ZBTB20: variants seen among roughly 807,000 people sequenced by gnomAD.
The protein encoded by ZBTB20 is zinc finger and BTB domain-containing protein 20.
In ZBTB20, 9 loss-of-function variants were observed where a neutral mutation model predicts 56.9. The ratio of observed to expected loss-of-function variants is 0.16; its 90% CI spans 0.10 to 0.28. The LOEUF (loss-of-function observed/expected upper bound fraction) is 0.28, where lower values mean the gene tolerates loss of function less well. Among genes scored for constraint, ZBTB20 ranks in the 10% least tolerant of loss-of-function variants. ZBTB20 has a pLI of 1.00. For synonymous variants in ZBTB20, 417 were observed against 420.7 expected, an observed-to-expected ratio of 0.99 and a Z score of 0.11; for missense variants, 655 against 1,003.0, an observed-to-expected ratio of 0.65 and a Z score of 4.69.
At chr3:114,377,257 AG>A (rs1237902710) in intron 10 of ZBTB20, among the ~76,000 whole-genome samples, 3 of 152,156 alleles carry the variant, frequency 2.0e-5, no homozygotes, top group Admixed American at 1.3e-4. Context: ...GTGGTAAGCT[AG>A]GGGGTAATGG....
chr3:114,756,322 A>G (rs2068009573), intron 5 of ZBTB20, among the ~76,000 whole-genome samples: 1 of 152,164 alleles, frequency 6.6e-6, no homozygotes, highest in Admixed American at 6.5e-5. Context: ...AGGGAGATAT[A>G]AAATTAAAAT....
Position 114,621,347 on chromosome 3 carries a change from G to T in ZBTB20, c.-295+72181C>A, listed in dbSNP as rs148816314. On this transcript the variant is annotated intron_variant, in intron 6 of 11. Coordinates refer to ENST00000675478, the MANE Select transcript of ZBTB20 (RefSeq NM_001348800.3). ...TATGGTCATTATGACCAAAACATTT[G>T]ACTGAAATCAAAGGCAAGTAAGCCT... Among the ~76,000 whole-genome samples the T allele has an allele frequency of 1.8e-4, 28 of 152,172 alleles. 1 individual carries two copies. Among genetic ancestry groups the T allele is most frequent in the African/African-American group, 5.8e-4 (24 of 41,526 alleles).
chr3:115,076,327 C>T (rs1005508908), intron 1 of ZBTB20, among the ~76,000 whole-genome samples: 1 of 151,930 alleles, frequency 6.6e-6, no homozygotes, highest in Non-Finnish European at 1.5e-5. Flanking sequence ...CAAAAATAAT[C>T]AAAACAATAT....
intron 8 of ZBTB20, among the ~76,000 whole-genome samples, chr3:114,385,398 T>C (rs1226269043): frequency 6.6e-6 from 1 of 152,194 alleles, no homozygotes; most frequent in Non-Finnish European, 1.5e-5. Context: ...GAGCCTCATT[T>C]TCCTCATCTG....
intron 4 of ZBTB20, among the ~76,000 whole-genome samples, chr3:114,891,380 C>T (rs986371851): frequency 1.3e-5 from 2 of 152,180 alleles, no homozygotes; most frequent in Non-Finnish European, 2.9e-5. Flanking sequence ...TTTTAAAAAA[C>T]CTGTATCATG....
At chr3:114,827,306 G>T (rs1008014839) in intron 4 of ZBTB20, among the ~76,000 whole-genome samples, 1 of 151,582 alleles carries the variant, frequency 6.6e-6, no homozygotes, top group Non-Finnish European at 1.5e-5. Flanking sequence ...CTCGAATATT[G>T]CAAGTATTAA....
At chr3:115,086,103 G>C (rs1026685726) in intron 1 of ZBTB20, among the ~76,000 whole-genome samples, 2 of 151,818 alleles carry the variant, frequency 1.3e-5, no homozygotes, top group Non-Finnish European at 2.9e-5. Flanking sequence ...TTTATTTGCA[G>C]TATGATGAAA....
At chr3:114,821,007 G>A (rs1363339604) in intron 4 of ZBTB20, among the ~76,000 whole-genome samples, 1 of 152,142 alleles carries the variant, frequency 6.6e-6, no homozygotes, top group Non-Finnish European at 1.5e-5. Context: ...CCAAGTAACT[G>A]TAACCAGCAT....
chr3:114,655,514 A>G (rs1235808191), intron 6 of ZBTB20, among the ~76,000 whole-genome samples: 1 of 150,090 alleles, frequency 6.7e-6, no homozygotes, highest in Non-Finnish European at 1.5e-5. Flanking sequence ...GGCCTCCCAA[A>G]GTGCTGGGAT....
At chr3:115,058,781 C>A (rs1433103840) in intron 2 of ZBTB20, among the ~76,000 whole-genome samples, 1 of 152,140 alleles carries the variant, frequency 6.6e-6, no homozygotes, top group Non-Finnish European at 1.5e-5. Flanking sequence ...CCTTCCCCAC[C>A]TCCTTTTTAG....
At chr3:115,036,879 G>A (rs1482601880) in intron 2 of ZBTB20, among the ~76,000 whole-genome samples, 1 of 152,120 alleles carries the variant, frequency 6.6e-6, no homozygotes, top group African/African-American at 2.4e-5. Flanking sequence ...AACTTACGAT[G>A]AATGTCCACG....
intron 7 of ZBTB20, among the ~76,000 whole-genome samples, chr3:114,462,548 A>T (rs1422083488): frequency 6.6e-6 from 1 of 152,184 alleles, no homozygotes; most frequent in African/African-American, 2.4e-5. Flanking sequence ...TTTCCATACC[A>T]TATTCTCAAA....
intron 1 of ZBTB20, among the ~76,000 whole-genome samples, chr3:115,095,131 T>C (rs1015696161): frequency 3.3e-5 from 5 of 152,140 alleles, no homozygotes; most frequent in South Asian, 2.1e-4. Flanking sequence ...AAACATATTA[T>C]GCTGTAATTA....
At chr3:114,684,913 T>G (rs1457497932) in intron 6 of ZBTB20, among the ~76,000 whole-genome samples, 1 of 152,072 alleles carries the variant, frequency 6.6e-6, no homozygotes, top group Non-Finnish European at 1.5e-5. Context: ...CTGGGGACCA[T>G]TTAGGCTCTA....
intron 3 of ZBTB20, among the ~76,000 whole-genome samples, chr3:114,956,077 AC>A (rs2077236468): frequency 6.6e-6 from 1 of 152,222 alleles, no homozygotes; most frequent in Non-Finnish European, 1.5e-5. Flanking sequence ...AAGGTCTCTA[AC>A]GACAAGATAA....
intron 5 of ZBTB20, among the ~76,000 whole-genome samples, chr3:114,712,422 G>A (rs891976898): frequency 1.3e-5 from 2 of 151,910 alleles, no homozygotes; most frequent in Admixed American, 6.6e-5. Flanking sequence ...AGGCTGAGGC[G>A]GGCTGATCAC....
intron 6 of ZBTB20, among the ~76,000 whole-genome samples, chr3:114,587,990 C>T (rs779287690): frequency 5.3e-5 from 8 of 152,180 alleles, no homozygotes; most frequent in Non-Finnish European, 1.2e-4. Flanking sequence ...CACATATCTC[C>T]GTGCTATGAA....
intron 7 of ZBTB20, among the ~76,000 whole-genome samples, chr3:114,488,353 C>G (rs933839128): frequency 6.6e-6 from 1 of 152,106 alleles, no homozygotes; most frequent in Non-Finnish European, 1.5e-5. Flanking sequence ...TGTTATTCAT[C>G]CTTTCATCAT....
At chr3:114,731,273 T>A (rs1487409567) in intron 5 of ZBTB20, among the ~76,000 whole-genome samples, 1 of 152,200 alleles carries the variant, frequency 6.6e-6, no homozygotes, top group Non-Finnish European at 1.5e-5. Context: ...CTGAAGATGT[T>A]CCTATCTATT....
Sources: gnomAD v4.1 joint callset for allele counts (sites outside exome capture counted in the v4.1 genomes callset) on GRCh38, gnomAD v4.1.1 for gene constraint, MANE v1.5 for transcripts, NCBI Gene and HGNC (gene_info 2026-07-23, HGNC 2026-07-21) for gene names.